MAP4K5: variants seen among roughly 807,000 people sequenced by gnomAD.
The protein encoded by MAP4K5 is MAPK/ERK kinase kinase kinase 5.
MAP4K5 carries 82 observed loss-of-function variants against 135.6 expected under a neutral mutation model. The observed-to-expected ratio is 0.60, with a 90% CI of 0.51 to 0.73. The LOEUF (loss-of-function observed/expected upper bound fraction) is 0.73, where lower values mean the gene tolerates loss of function less well. MAP4K5 is among the 30% of genes least tolerant of loss of function. The pLI, the probability that MAP4K5 is intolerant of heterozygous loss-of-function variation, is 0.00. For synonymous variants in MAP4K5, 347 were observed against 335.0 expected (o/e 1.04, Z -0.39); for missense variants, 907 against 1,010.9 (o/e 0.90, Z 1.39).
chr14:50,453,106 C>T (rs1212822526), intron 14 of MAP4K5, among the ~76,000 whole-genome samples: 1 of 151,912 alleles, frequency 6.6e-6, no homozygotes, highest in African/African-American at 2.4e-5. Context: ...AGTCTAACAC[C>T]TGGCTGAAAT....
chr14:50,443,656 A>G, intron 20 of MAP4K5, 73 bp downstream of exon 20: 1 of 1,265,936 alleles, frequency 7.9e-7, no homozygotes, highest in South Asian at 1.6e-5. Flanking sequence ...GCTCAAGTAT[A>G]TTGATAGCCA....
chr14:50,560,096 C>T (rs1216576439), intron 1 of MAP4K5: 17 of 719,886 alleles, frequency 2.4e-5, no homozygotes, highest in South Asian at 1.2e-4. Flanking sequence ...CTGCTTTCTC[C>T]TCCCTTTTCC....
chr14:50,512,933 G>C (rs552804832), intron 2 of MAP4K5, among the ~76,000 whole-genome samples: 5 of 152,078 alleles, frequency 3.3e-5, no homozygotes, highest in African/African-American at 1.2e-4. Context: ...ACTAACTGGA[G>C]TACAACGGCA....
chr14:50,500,516 C>T (rs1038489510), intron 3 of MAP4K5, among the ~76,000 whole-genome samples: 11 of 152,148 alleles, frequency 7.2e-5, no homozygotes, highest in African/African-American at 2.4e-4. Context: ...GTGGATAGAA[C>T]AGATCATGTA....
At chr14:50,530,979 A>G (rs2140125143) in intron 2 of MAP4K5, among the ~76,000 whole-genome samples, 1 of 152,368 alleles carries the variant, frequency 6.6e-6, no homozygotes, top group Admixed American at 6.5e-5. Context: ...CACTTCAGCG[A>G]TATGCAGAAG....
intron 14 of MAP4K5, chr14:50,450,524 C>A (rs1284206709): frequency 6.6e-6 from 1 of 151,974 alleles, no homozygotes; most frequent in Non-Finnish European, 1.5e-5. Context: ...GTGAACGGAA[C>A]AAGGATTTGA....
intron 1 of MAP4K5, among the ~76,000 whole-genome samples, chr14:50,551,411 A>T (rs2140160332): frequency 6.6e-6 from 1 of 152,218 alleles, no homozygotes; most frequent in Middle Eastern, 3.4e-3. Flanking sequence ...AAATTTCAGG[A>T]TCAGATGGAG....
intron 2 of MAP4K5, chr14:50,505,135 G>T: frequency 3.7e-6 from 1 of 268,110 alleles, no homozygotes; most frequent in Non-Finnish European, 6.9e-6. Context: ...TCAGCCTCGG[G>T]TTAGTTAATA....
chr14:50,477,417 TAAAG>T (rs1456633351), intron 6 of MAP4K5, among the ~76,000 whole-genome samples: 2 of 152,218 alleles, frequency 1.3e-5, no homozygotes, highest in Admixed American at 6.5e-5. Flanking sequence ...GGTCTGTGAA[TAAAG>T]AGAGTTGTAC....
chr14:50,486,958 A>T (rs1052966604), intron 3 of MAP4K5, among the ~76,000 whole-genome samples: 1 of 152,200 alleles, frequency 6.6e-6, no homozygotes, highest in African/African-American at 2.4e-5. Flanking sequence ...AAGGCCAAGA[A>T]GGAAAAACTC....
At chr14:50,537,133 C>T (rs1046429668), upstream of MAP4K5, among the ~76,000 whole-genome samples, 17 of 152,314 alleles carry the variant, frequency 1.1e-4, no homozygotes, top group African/African-American at 4.1e-4. Flanking sequence ...GGCCCAGGGT[C>T]CCTGTGCTGT....
chr14:50,459,996 C>T (rs144445057), intron 13 of MAP4K5, among the ~76,000 whole-genome samples: 323 of 152,216 alleles, frequency 2.1e-3, no homozygotes, highest in African/African-American at 7.5e-3. Flanking sequence ...CTGTGTCCAA[C>T]CCAGACTGAC....
In MAP4K5 at chr14:50,542,335, C is replaced by A. The variant is rs12880393; in HGVS notation, c.-94+164G>T. On this transcript the variant is annotated intron_variant, in intron 2 of 8. Coordinates refer to the MAP4K5 transcript ENST00000555216. ...GGAGAGAGAGCACTAGGACAAATAC[C>A]TAATGCATACGGGACTTAAAACCTA... Among the ~76,000 whole-genome samples the A allele has an allele frequency of 7.2e-5, 11 of 152,028 alleles. No homozygotes were observed. In the South Asian group the frequency reaches 2.3e-3, roughly 32 times the overall value.
intron 2 of MAP4K5, among the ~76,000 whole-genome samples, chr14:50,526,877 A>G (rs948267166): frequency 3.3e-5 from 5 of 152,222 alleles, no homozygotes; most frequent in African/African-American, 1.2e-4. Context: ...GACCTAATTC[A>G]TCTAGCATCC....
At chr14:50,537,663 T>TG (rs2038512056) in intron 2 of MAP4K5, among the ~76,000 whole-genome samples, 1 of 152,252 alleles carries the variant, frequency 6.6e-6, no homozygotes, top group Non-Finnish European at 1.5e-5. Flanking sequence ...ACCAACCTCT[T>TG]GCATCAGCAT....
At chr14:50,431,126 A>G (rs1461734764) in intron 28 of MAP4K5, among the ~76,000 whole-genome samples, 1 of 152,180 alleles carries the variant, frequency 6.6e-6, no homozygotes, top group Non-Finnish European at 1.5e-5. Context: ...TTGGGTAAAT[A>G]TTTCATTGCA....
chr14:50,428,903 A>C, intron 29 of MAP4K5, 149 bp from the exon 30 acceptor site: 1 of 619,360 alleles, frequency 1.6e-6, no homozygotes, highest in Non-Finnish European at 2.8e-6. Context: ...AATGGCAAAA[A>C]ATACTGTAAG....
chr14:50,477,452 T>C (rs907179824), intron 6 of MAP4K5, among the ~76,000 whole-genome samples: 4 of 152,238 alleles, frequency 2.6e-5, no homozygotes, highest in African/African-American at 9.6e-5. Flanking sequence ...CTAATCCAGA[T>C]GCCTTTTATT....
At chr14:50,454,206 A>G (rs1359482094) in intron 14 of MAP4K5, among the ~76,000 whole-genome samples, 2 of 152,192 alleles carry the variant, frequency 1.3e-5, no homozygotes, top group African/African-American at 4.8e-5. Flanking sequence ...GGTCAAGATC[A>G]GGTAAAAGCC....
Sources: allele counts gnomAD v4.1 joint callset (sites outside exome capture counted in the v4.1 genomes callset), GRCh38; gene constraint gnomAD v4.1.1; transcripts MANE v1.5; gene names NCBI Gene and HGNC (gene_info 2026-07-23, HGNC 2026-07-21).